The following CCSER1 variants were observed in gnomAD, a reference collection of about 807,000 sequenced individuals.
The protein encoded by CCSER1 is serine-rich coiled-coil domain-containing protein 1.
In CCSER1, 41 loss-of-function variants were observed where a neutral mutation model predicts 82.0. That is an observed-to-expected ratio of 0.50 (90% confidence interval 0.39 to 0.65). The LOEUF (loss-of-function observed/expected upper bound fraction) is 0.65, where lower values mean the gene tolerates loss of function less well. CCSER1 is among the 30% of genes least tolerant of loss of function. The pLI, the probability that CCSER1 is intolerant of heterozygous loss-of-function variation, is 0.00. For synonymous variants in CCSER1, 414 were observed against 383.9 expected (o/e 1.08, Z -0.92); for missense variants, 1,119 against 1,064.2 (o/e 1.05, Z -0.72).
chr4:90,694,797 GGTGTGT>G (rs112192037), intron 6 of CCSER1, among the ~76,000 whole-genome samples: 27,707 of 145,340 alleles, frequency 0.19, 2,745 homozygotes, highest in Middle Eastern at 0.27. Flanking sequence ...GTGTGTGTGG[GGTGTGT>G]GTGTGTGTGT....
At chr4:91,161,630 G>A (rs1163816664) in intron 10 of CCSER1, among the ~76,000 whole-genome samples, 1 of 152,138 alleles carries the variant, frequency 6.6e-6, no homozygotes, top group Non-Finnish European at 1.5e-5. Context: ...TCCCTTGTAA[G>A]TTGGATTCCT....
intron 4 of CCSER1, among the ~76,000 whole-genome samples, chr4:90,459,620 T>C (rs2153582695): frequency 6.6e-6 from 1 of 152,336 alleles, no homozygotes; most frequent in East Asian, 1.9e-4. Flanking sequence ...GTGTCTTCGA[T>C]GTTTTTTCCA....
At chr4:91,022,034 G>A (rs1401708308) in intron 9 of CCSER1, among the ~76,000 whole-genome samples, 1 of 151,806 alleles carries the variant, frequency 6.6e-6, no homozygotes. Context: ...ATGTTTTAGG[G>A]TACACGTGCA....
chr4:90,485,312 G>T (rs113015244), intron 5 of CCSER1, among the ~76,000 whole-genome samples: 3 of 152,124 alleles, frequency 2.0e-5, no homozygotes, highest in Non-Finnish European at 4.4e-5. Context: ...TCCCTGACCC[G>T]TTGCACTTCC....
At chr4:91,163,963 C>G (rs1020729456) in intron 10 of CCSER1, among the ~76,000 whole-genome samples, 12 of 152,120 alleles carry the variant, frequency 7.9e-5, no homozygotes, top group African/African-American at 2.9e-4. Context: ...TGAATTTGAT[C>G]CTGTCATTAT....
At chr4:91,191,329 G>C (rs976653366) in intron 10 of CCSER1, among the ~76,000 whole-genome samples, 2 of 152,030 alleles carry the variant, frequency 1.3e-5, no homozygotes, top group East Asian at 3.9e-4. Flanking sequence ...AACCTTCTCT[G>C]TTCTAAAGAA....
intron 10 of CCSER1, among the ~76,000 whole-genome samples, chr4:91,371,262 G>C (rs1307388803): frequency 6.6e-6 from 1 of 151,760 alleles, no homozygotes; most frequent in African/African-American, 2.4e-5. Flanking sequence ...CTGTATTTTT[G>C]TACATCCCCA....
At chr4:90,808,209 AT>A (rs749567495) in intron 7 of CCSER1, among the ~76,000 whole-genome samples, 1 of 152,186 alleles carries the variant, frequency 6.6e-6, no homozygotes. Flanking sequence ...ATGAAACTGG[AT>A]CCCTATTCTC....
At chr4:90,638,244 T>A (rs1403059696) in intron 6 of CCSER1, among the ~76,000 whole-genome samples, 1 of 151,986 alleles carries the variant, frequency 6.6e-6, no homozygotes, top group Non-Finnish European at 1.5e-5. Context: ...AAGATAATAA[T>A]TTTTTTTAAT....
chr4:91,251,830 G>A (rs1319123424), intron 10 of CCSER1, among the ~76,000 whole-genome samples: 2 of 152,136 alleles, frequency 1.3e-5, no homozygotes, highest in Non-Finnish European at 1.5e-5. Context: ...TGTAATTAAT[G>A]AGAGTTTTTA....
rs898844868 is a variant in CCSER1 at position 91,067,348 on chromosome 4, T to TC, written c.2173-18601dup. On this transcript the variant is annotated intron_variant, in intron 9 of 10. Coordinates refer to ENST00000509176, the MANE Select transcript of CCSER1 (RefSeq NM_001145065.2). ...TGTTTGTCTCATCCTTTTTTTTTTT[T>TC]CTTTTTTTTTTGCTGAGACAGGCTC... Among the ~76,000 whole-genome samples, 7 of 151,464 alleles carry TC rather than the reference T, an allele frequency of 4.6e-5. No individual in the cohort carries two copies. The East Asian group carries it at 5.8e-4, about 13-fold the overall frequency.
At chr4:91,211,118 C>T (rs1736783727) in intron 10 of CCSER1, among the ~76,000 whole-genome samples, 1 of 151,930 alleles carries the variant, frequency 6.6e-6, no homozygotes, top group Non-Finnish European at 1.5e-5. Context: ...TGCAAACGAA[C>T]ACGGTGGCTG....
intron 10 of CCSER1, among the ~76,000 whole-genome samples, chr4:91,279,888 A>AT (rs551972228): frequency 0.017 from 2,602 of 152,060 alleles, 80 homozygotes; most frequent in African/African-American, 0.06. Context: ...TTTTTTGAAT[A>AT]TTTTTTAATA....
At chr4:91,258,203 AT>A (rs1342712794) in intron 10 of CCSER1, among the ~76,000 whole-genome samples, 2 of 152,222 alleles carry the variant, frequency 1.3e-5, no homozygotes, top group East Asian at 1.9e-4. Flanking sequence ...GTAGAAATGT[AT>A]TTTTTTCACA....
chr4:91,130,068 GTAT>G (rs911082846), intron 10 of CCSER1: 6 of 151,854 alleles, frequency 4.0e-5, no homozygotes, highest in African/African-American at 1.4e-4. Context: ...TTTTAAATAT[GTAT>G]TATTTAAGAA....
intron 4 of CCSER1, among the ~76,000 whole-genome samples, chr4:90,450,115 A>G (rs1165304207): frequency 1.3e-5 from 2 of 152,170 alleles, no homozygotes; most frequent in African/African-American, 4.8e-5. Flanking sequence ...TGTTTTGGGG[A>G]AAACAGCAGT....
intron 10 of CCSER1, among the ~76,000 whole-genome samples, chr4:91,282,123 A>G (rs570386329): frequency 2.0e-5 from 3 of 152,248 alleles, no homozygotes; most frequent in Admixed American, 1.3e-4. Context: ...TCAGCCTTGT[A>G]TAGTGAATAT....
intron 10 of CCSER1, among the ~76,000 whole-genome samples, chr4:91,290,683 T>G (rs1203894471): frequency 6.6e-6 from 1 of 151,994 alleles, no homozygotes; most frequent in Non-Finnish European, 1.5e-5. Flanking sequence ...CTTACCAAAA[T>G]TAACATATTC....
chr4:90,996,502 T>C (rs1737506311), intron 9 of CCSER1, among the ~76,000 whole-genome samples: 1 of 152,126 alleles, frequency 6.6e-6, no homozygotes, highest in African/African-American at 2.4e-5. Context: ...TAGATTGAAA[T>C]AGTACAACTG....
Sources: allele counts gnomAD v4.1 joint callset (sites outside exome capture counted in the v4.1 genomes callset), GRCh38; gene constraint gnomAD v4.1.1; transcripts MANE v1.5; gene names NCBI Gene and HGNC (gene_info 2026-07-23, HGNC 2026-07-21).